PRKCH: variants seen among roughly 807,000 people sequenced by gnomAD.
PRKCH encodes protein kinase C eta type.
In PRKCH, 28 loss-of-function variants were observed where a neutral mutation model predicts 82.5. The ratio of observed to expected loss-of-function variants is 0.34; its 90% CI spans 0.25 to 0.47. The LOEUF is 0.47. Among genes scored for constraint, PRKCH ranks in the 20% least tolerant of loss-of-function variants. The pLI is 1.00. For missense variants in PRKCH, 705 were observed against 881.8 expected, an observed-to-expected ratio of 0.80 and a Z score of 2.54; for synonymous variants, 322 against 327.4, an observed-to-expected ratio of 0.98 and a Z score of 0.18.
intron 1 of PRKCH, among the ~76,000 whole-genome samples, chr14:61,352,694 GAAA>G (rs771321359): frequency 0.012 from 1,086 of 87,206 alleles, 13 homozygotes; most frequent in African/African-American, 0.036. Flanking sequence ...GGAAAGGAAA[GAAA>G]GAAAGAAAGA....
intron 1 of PRKCH, among the ~76,000 whole-genome samples, chr14:61,243,383 C>CAAAA (rs10555022): frequency 9.7e-6 from 1 of 103,394 alleles, no homozygotes; most frequent in Non-Finnish European, 2.0e-5. Context: ...GACTCTGTCT[C>CAAAA]AAAAAAAAAA....
At chr14:61,188,686 A>G (rs1594843225) in intron 1 of PRKCH, among the ~76,000 whole-genome samples, 1 of 87,516 alleles carries the variant, frequency 1.1e-5, no homozygotes, top group Non-Finnish European at 2.4e-5. Flanking sequence ...GGACCTCCTC[A>G]CCCCCAGACG....
At chr14:61,378,046 G>A (rs1022833217) in intron 1 of PRKCH, among the ~76,000 whole-genome samples, 23 of 152,122 alleles carry the variant, frequency 1.5e-4, no homozygotes, top group African/African-American at 5.1e-4. Flanking sequence ...GATCAAGTGT[G>A]TGTTCTGATA....
intron 2 of PRKCH, among the ~76,000 whole-genome samples, chr14:61,422,676 C>A (rs1041871515): frequency 6.6e-6 from 1 of 152,198 alleles, no homozygotes; most frequent in African/African-American, 2.4e-5. Flanking sequence ...TGTATTTTAA[C>A]CGTCTAGTTG....
chr14:61,389,022 T>G (rs1325658157), intron 1 of PRKCH, among the ~76,000 whole-genome samples: 1 of 152,222 alleles, frequency 6.6e-6, no homozygotes. Flanking sequence ...AGTGCATTTT[T>G]GGGGGCTTTG....
Position 61,457,629 on chromosome 14 carries a change from G to T in PRKCH, c.1228G>T (p.Ala410Ser), listed in dbSNP as rs1884838413. The part of the protein sequence containing the change: ...TMTEKRILSL[A>S]RNHPFLTQLF... The stretch of plus-strand genomic sequence containing the variant: ...GACCGAGAAAAGGATCCTGTCTCTG[G>T]CCCGCAATCACCCCTTCCTCACTCA... Residue 410 changes from alanine to serine, a missense_variant, in exon 9 of 14, where the codon GCC (alanine) becomes TCC (serine). Physicochemically the swap from Ala to Ser is moderately conservative, Grantham distance 99 (BLOSUM62 1). This residue lies in a region of PRKCH where 238 missense variants were observed against 258.1 expected (regional missense o/e 0.92). Transcript: ENST00000332981. 2 of 1,614,104 alleles carry T rather than the reference G, an allele frequency of 1.2e-6. No homozygotes were observed. The highest frequency in any genetic ancestry group is 1.7e-6 in the Non-Finnish European group (2 of 1,180,018).
chr14:61,528,210 T>C (rs2042995059), intron 10 of PRKCH: 1 of 150,710 alleles, frequency 6.6e-6, no homozygotes. Flanking sequence ...CTTTTCATTT[T>C]AGAGACAGGG....
At chr14:61,465,879 G>A (rs1885234672) in intron 9 of PRKCH, among the ~76,000 whole-genome samples, 1 of 152,158 alleles carries the variant, frequency 6.6e-6, no homozygotes, top group Non-Finnish European at 1.5e-5. Context: ...TTTATTGCAC[G>A]TGATTCCTAT....
chr14:61,486,462 C>T (rs530263280), intron 10 of PRKCH, among the ~76,000 whole-genome samples: 110 of 152,228 alleles, frequency 7.2e-4, no homozygotes, highest in Non-Finnish European at 1.2e-3. Context: ...TTTGAATGGA[C>T]TCCGAATCTG....
chr14:61,454,719 G>T (rs972728247), intron 7 of PRKCH, among the ~76,000 whole-genome samples: 2 of 152,166 alleles, frequency 1.3e-5, no homozygotes, highest in African/African-American at 4.8e-5. Flanking sequence ...ACATGTTTTT[G>T]TCAGCACTCT....
intron 10 of PRKCH, among the ~76,000 whole-genome samples, chr14:61,497,874 G>A (rs1886738383): frequency 6.6e-6 from 1 of 152,156 alleles, no homozygotes; most frequent in Admixed American, 6.5e-5. Context: ...GTAGAGAAAA[G>A]TAATTACAGG....
chr14:61,219,861 G>A (rs2044641440), intron 1 of PRKCH, among the ~76,000 whole-genome samples: 2 of 152,174 alleles, frequency 1.3e-5, no homozygotes. Context: ...GGAGATGGCA[G>A]AGCTGCTTTG....
intron 2 of PRKCH, among the ~76,000 whole-genome samples, chr14:61,424,955 T>G (rs1332780466): frequency 6.6e-6 from 1 of 152,206 alleles, no homozygotes; most frequent in Non-Finnish European, 1.5e-5. Flanking sequence ...CTTCAGAGGG[T>G]GCAAGCCCCA....
chr14:61,251,426 T>C (rs555756666), intron 1 of PRKCH, among the ~76,000 whole-genome samples: 1 of 152,328 alleles, frequency 6.6e-6, no homozygotes, highest in East Asian at 1.9e-4. Flanking sequence ...GATCTTTAGC[T>C]CCCACAAATA....
chr14:61,451,176 G>A (rs1884492710), intron 6 of PRKCH, among the ~76,000 whole-genome samples: 1 of 152,272 alleles, frequency 6.6e-6, no homozygotes, highest in African/African-American at 2.4e-5. Flanking sequence ...CTAATCATAG[G>A]ACATTAAGTC....
chr14:61,477,578 A>C (rs191050831), intron 9 of PRKCH, among the ~76,000 whole-genome samples: 3 of 152,384 alleles, frequency 2.0e-5, no homozygotes, highest in Non-Finnish European at 4.4e-5. Flanking sequence ...TTTTTAGTAC[A>C]TAAGGAGGGC....
In PRKCH at chr14:61,511,025, G is replaced by A. The variant is rs190212080; in HGVS notation, c.1434-18050G>A. ...GCCTCCGGAGGAGACACTTAGGGGT[G>A]GTGAGAGACTTAGGTAGGATTTAAG... On this transcript the variant is annotated intron_variant, in intron 10 of 13. Coordinates refer to ENST00000332981, the MANE Select transcript of PRKCH (RefSeq NM_006255.5). Among the ~76,000 whole-genome samples the A allele has an allele frequency of 2.6e-5, 4 of 152,206 alleles. No homozygotes were observed. In the East Asian group the frequency reaches 7.7e-4, roughly 29 times the overall value.
chr14:61,418,623 C>G (rs1882681156), intron 2 of PRKCH, among the ~76,000 whole-genome samples: 1 of 152,184 alleles, frequency 6.6e-6, no homozygotes, highest in Admixed American at 6.5e-5. Flanking sequence ...GATAGATTGG[C>G]CAGCAGTTTT....
At chr14:61,193,349 C>G (rs970417517) in intron 1 of PRKCH, among the ~76,000 whole-genome samples, 1 of 152,132 alleles carries the variant, frequency 6.6e-6, no homozygotes, top group African/African-American at 2.4e-5. Flanking sequence ...ATTGGCAAGA[C>G]ATTAATTACA....
Sources: allele counts gnomAD v4.1 joint callset (sites outside exome capture counted in the v4.1 genomes callset), GRCh38; gene constraint gnomAD v4.1.1; regional missense constraint gnomAD v4.1.1; transcripts MANE v1.5; gene names NCBI Gene and HGNC (gene_info 2026-07-23, HGNC 2026-07-21).